The following CDK14 variants were observed in gnomAD, a reference collection of about 807,000 sequenced individuals.
The protein encoded by CDK14 is cyclin-dependent kinase 14.
Under a neutral mutation model 60.7 loss-of-function variants are expected in CDK14, and 34 were observed. The ratio of observed to expected loss-of-function variants is 0.56; its 90% CI spans 0.43 to 0.75. The LOEUF (loss-of-function observed/expected upper bound fraction) is 0.75. CDK14 is among the 30% of genes least tolerant of loss of function. The pLI is 0.00. For missense variants in CDK14, 482 were observed against 564.1 expected (o/e 0.85, Z 1.47); for synonymous variants, 197 against 203.7 (o/e 0.97, Z 0.28).
chr7:90,980,211 G>T (rs913953979), intron 9 of CDK14, among the ~76,000 whole-genome samples: 10 of 152,034 alleles, frequency 6.6e-5, no homozygotes, highest in Non-Finnish European at 1.5e-4. Flanking sequence ...ACCTTACTGG[G>T]TAACTAATCC....
At chr7:91,096,143 C>T (rs544831355) in intron 12 of CDK14, among the ~76,000 whole-genome samples, 1 of 150,872 alleles carries the variant, frequency 6.6e-6, no homozygotes, top group African/African-American at 2.4e-5. Flanking sequence ...TGGCTCCCAG[C>T]GATCCCACCT....
chr7:91,038,302 T>G (rs1796989658), intron 10 of CDK14, among the ~76,000 whole-genome samples: 1 of 152,222 alleles, frequency 6.6e-6, no homozygotes, highest in Non-Finnish European at 1.5e-5. Context: ...TCTATATAGT[T>G]AATTAAACAA....
chr7:90,757,636 G>A (rs965696557), intron 4 of CDK14, among the ~76,000 whole-genome samples: 7 of 149,144 alleles, frequency 4.7e-5, no homozygotes, highest in South Asian at 4.2e-4. Context: ...TCACTCTGTC[G>A]CCCAGGCTGG....
chr7:90,936,758 T>C (rs544668643), intron 8 of CDK14, among the ~76,000 whole-genome samples: 6 of 152,136 alleles, frequency 3.9e-5, no homozygotes, highest in Non-Finnish European at 8.8e-5. Flanking sequence ...CACGAATGCA[T>C]ATGCACGCTG....
intron 2 of CDK14, among the ~76,000 whole-genome samples, chr7:90,681,928 T>C (rs1801326621): frequency 6.6e-6 from 1 of 152,222 alleles, no homozygotes; most frequent in Non-Finnish European, 1.5e-5. Context: ...TTTATAAGAA[T>C]TAAGTTAACT....
In CDK14 at chr7:91,131,373, G is replaced by C. The variant is rs191188481; in HGVS notation, c.*28+13165G>C. 3.3e-3 allele frequency among the ~76,000 whole-genome samples: 504 copies of C among 152,216 alleles called. 5 individuals are homozygous for C. Among genetic ancestry groups the C allele is most frequent in the Middle Eastern group, 6.8e-3 (2 of 294 alleles). On this transcript the variant is annotated intron_variant, in intron 14 of 14. Transcript: ENST00000380050. ...CACATAAATTATCACTGGAGATGTT[G>C]ACCTTGATCACTACATTAACACAGA...
intron 4 of CDK14, among the ~76,000 whole-genome samples, chr7:90,778,124 A>G (rs1326518861): frequency 6.6e-6 from 1 of 152,230 alleles, no homozygotes. Context: ...ACTGAGATCC[A>G]GACTCATAAA....
intron 2 of CDK14, chr7:90,710,638 C>A: frequency 2.6e-6 from 2 of 770,026 alleles, no homozygotes; most frequent in Non-Finnish European, 3.2e-6. Flanking sequence ...ATTCTTCGTG[C>A]AGTTCTGCGT....
rs550443774 is a variant in CDK14 at position 91,001,157 on chromosome 7, A to G, written c.1041+16916A>G. Among the ~76,000 whole-genome samples the G allele has an allele frequency of 1.2e-4, 18 of 152,280 alleles. No individual in the cohort carries two copies. In the South Asian group the frequency reaches 3.7e-3, roughly 32 times the overall value. ...TTTGTTCTAGTCCATCTGTTTATGA[A>G]AAAATGTTATCCCAATGAAATAGGC... On this transcript the variant is annotated intron_variant, in intron 10 of 14. Coordinates refer to ENST00000380050, the MANE Select transcript of CDK14 (RefSeq NM_001287135.2).
intron 4 of CDK14, among the ~76,000 whole-genome samples, chr7:90,780,915 C>A (rs1198923003): frequency 1.3e-5 from 2 of 151,882 alleles, no homozygotes; most frequent in Non-Finnish European, 2.9e-5. Flanking sequence ...TGGGTATATA[C>A]CCAGTAATGG....
chr7:90,790,702 T>A, intron 5 of CDK14, 50 bp downstream of exon 5: 1 of 1,220,152 alleles, frequency 8.2e-7, no homozygotes, highest in Non-Finnish European at 1.2e-6. Flanking sequence ...ATGGTCCCCG[T>A]AGCTATTTTA....
intron 7 of CDK14, among the ~76,000 whole-genome samples, chr7:90,910,336 A>G (rs1344559430): frequency 6.6e-6 from 1 of 152,162 alleles, no homozygotes; most frequent in Non-Finnish European, 1.5e-5. Context: ...ATCATGATGA[A>G]TCATTTTGTG....
chr7:91,115,451 A>G (rs1799578897), intron 13 of CDK14, among the ~76,000 whole-genome samples: 1 of 151,984 alleles, frequency 6.6e-6, no homozygotes, highest in African/African-American at 2.4e-5. Flanking sequence ...TCTAACCCTA[A>G]TTACCCTCCT....
chr7:91,029,500 C>T (rs912540432), intron 10 of CDK14, among the ~76,000 whole-genome samples: 2 of 149,348 alleles, frequency 1.3e-5, no homozygotes, highest in African/African-American at 2.5e-5. Flanking sequence ...TTTTTTTAAT[C>T]GGTGTTTTAT....
At chr7:91,004,830 A>G (rs1411038261) in intron 10 of CDK14, among the ~76,000 whole-genome samples, 3 of 152,226 alleles carry the variant, frequency 2.0e-5, no homozygotes, top group Admixed American at 6.5e-5. Flanking sequence ...TCAAAACCAC[A>G]CTATAATTTG....
intron 10 of CDK14, among the ~76,000 whole-genome samples, chr7:91,041,423 A>G (rs887169249): frequency 6.6e-6 from 1 of 152,170 alleles, no homozygotes; most frequent in Non-Finnish European, 1.5e-5. Flanking sequence ...CTAACATTTA[A>G]TAGATCCAGA....
chr7:91,033,663 C>G (rs1440497823), intron 10 of CDK14, among the ~76,000 whole-genome samples: 2 of 152,120 alleles, frequency 1.3e-5, no homozygotes, highest in Non-Finnish European at 2.9e-5. Context: ...CCCTGTTTTT[C>G]CCTATTTTGA....
chr7:91,202,369 G>T (rs1434523588), intron 14 of CDK14, among the ~76,000 whole-genome samples: 1 of 152,098 alleles, frequency 6.6e-6, no homozygotes, highest in Non-Finnish European at 1.5e-5. Context: ...GATAAAAATG[G>T]CATCCACTAA....
chr7:91,097,289 G>T lies in CDK14; in HGVS notation c.1155-15253G>T, dbSNP rs374630356. ...CCAGCTACTTGGAAGGCTGAGGCAG[G>T]ACAGTTGCTTGAACCCAGGAGGCAG... On this transcript the variant is annotated intron_variant, in intron 12 of 14. Coordinates refer to ENST00000380050, the MANE Select transcript of CDK14 (RefSeq NM_001287135.2). Among the ~76,000 whole-genome samples the T allele has an allele frequency of 1.5e-3, 223 of 152,028 alleles. 1 individual carries two copies. The highest frequency in any genetic ancestry group is 5.1e-3 in the African/African-American group (212 of 41,470).
Sources: gnomAD v4.1 joint callset for allele counts (sites outside exome capture counted in the v4.1 genomes callset) on GRCh38, gnomAD v4.1.1 for gene constraint, MANE v1.5 for transcripts, NCBI Gene and HGNC (gene_info 2026-07-23, HGNC 2026-07-21) for gene names.